Variants in MAP4K5 observed in about 807,000 individuals in gnomAD.
The protein encoded by MAP4K5 is MAPK/ERK kinase kinase kinase 5.
MAP4K5 carries 82 observed loss-of-function variants against 135.6 expected under a neutral mutation model. That is an observed-to-expected ratio of 0.60 (90% CI 0.51 to 0.73). The LOEUF (loss-of-function observed/expected upper bound fraction) is 0.73, where lower values mean the gene tolerates loss of function less well. MAP4K5 is among the 30% of genes least tolerant of loss of function. The pLI, the probability that MAP4K5 is intolerant of heterozygous loss-of-function variation, is 0.00. For synonymous variants in MAP4K5, 347 were observed against 335.0 expected, an observed-to-expected ratio of 1.04 and a Z score of -0.39; for missense variants, 907 against 1,010.9, an observed-to-expected ratio of 0.90 and a Z score of 1.39.
chr14:50,554,845 G>A (rs541064080), intron 1 of MAP4K5, among the ~76,000 whole-genome samples: 1 of 152,184 alleles, frequency 6.6e-6, no homozygotes, highest in East Asian at 1.9e-4. Context: ...TCAGTCTCTT[G>A]GTTCCCTCCC....
chr14:50,421,482 G>A (rs1041091679), intron 32 of MAP4K5, among the ~76,000 whole-genome samples: 1 of 151,636 alleles, frequency 6.6e-6, no homozygotes, highest in Non-Finnish European at 1.5e-5. Flanking sequence ...GGCTGGTTTC[G>A]AACTCCTGGC....
At chr14:50,496,659 C>T (rs551306581) in intron 3 of MAP4K5, among the ~76,000 whole-genome samples, 39 of 151,708 alleles carry the variant, frequency 2.6e-4, no homozygotes, top group Non-Finnish European at 4.6e-4. Context: ...CAGAAGCAGG[C>T]TGCCGTGCTC....
chr14:50,509,663 G>T (rs1295807125), intron 2 of MAP4K5, among the ~76,000 whole-genome samples: 1 of 143,658 alleles, frequency 7.0e-6, no homozygotes, highest in Non-Finnish European at 1.5e-5. Flanking sequence ...TCCATCTAAA[G>T]AACTGGAATT....
chr14:50,429,402 CA>C, intron 28 of MAP4K5, 142 bp from the exon 29 acceptor site: 1 of 562,722 alleles, frequency 1.8e-6, no homozygotes. Context: ...TGTTATCTTT[CA>C]AAAAATGCAT....
upstream of MAP4K5, among the ~76,000 whole-genome samples, chr14:50,535,319 C>T (rs1458037711): frequency 1.3e-5 from 2 of 152,182 alleles, no homozygotes; most frequent in East Asian, 3.8e-4. Flanking sequence ...CTAAGGTTCA[C>T]AATTTATTAT....
At chr14:50,552,436 A>G (rs2038714203) in intron 1 of MAP4K5, among the ~76,000 whole-genome samples, 1 of 152,254 alleles carries the variant, frequency 6.6e-6, no homozygotes, top group Non-Finnish European at 1.5e-5. Context: ...ACATGACCAT[A>G]CTGCCAAAAG....
At chr14:50,496,552 A>G (rs2037597942) in intron 3 of MAP4K5, among the ~76,000 whole-genome samples, 1 of 151,958 alleles carries the variant, frequency 6.6e-6, no homozygotes, top group South Asian at 2.1e-4. Flanking sequence ...TCTGTTGCCC[A>G]TGGTGCAACG....
intron 3 of MAP4K5, among the ~76,000 whole-genome samples, chr14:50,499,567 A>G: frequency 6.6e-6 from 1 of 152,080 alleles, no homozygotes; most frequent in Non-Finnish European, 1.5e-5. Flanking sequence ...CTGAGGCACG[A>G]GAATCACTTG....
intron 14 of MAP4K5, among the ~76,000 whole-genome samples, chr14:50,455,753 A>T (rs1471698769): frequency 2.6e-5 from 4 of 152,074 alleles, no homozygotes; most frequent in Admixed American, 2.6e-4. Context: ...TTACAATTTT[A>T]TTTGATTTTG....
In MAP4K5 at chr14:50,485,597, T is replaced by A; in HGVS notation, c.303A>T (p.Ser101=). 2 of 1,552,472 alleles carry A rather than the reference T, an allele frequency of 1.3e-6. No homozygotes were observed. Among genetic ancestry groups the A allele is most frequent in the East Asian group, 4.8e-5 (2 of 41,692 alleles). The change falls in exon 5 of 33, where the codon TCA becomes TCT. Residue 101 remains serine (S), a synonymous_variant. Transcript: ENST00000682126. ...CAGTACCATGGTAAATATCTTGAAG[T>A]GATCCGCCACCACAGTATTCCATAC... ...WICMEYCGGG[S]LQDIYHVTGP...
At chr14:50,464,374 T>C (rs745923497) in intron 11 of MAP4K5, among the ~76,000 whole-genome samples, 6 of 152,148 alleles carry the variant, frequency 3.9e-5, no homozygotes, top group Non-Finnish European at 8.8e-5. Context: ...CAGAAATAGA[T>C]AGGCTGTGTC....
intron 2 of MAP4K5, among the ~76,000 whole-genome samples, chr14:50,508,997 A>T (rs1483695790): frequency 6.6e-6 from 1 of 152,216 alleles, no homozygotes; most frequent in Non-Finnish European, 1.5e-5. Flanking sequence ...TCCATCAATG[A>T]TAGACTGGAT....
Position 50,444,756 on chromosome 14 carries a change from GT to G in MAP4K5, c.1339+284del, listed in dbSNP as rs2036305086. On this transcript the variant is annotated intron_variant, in intron 18 of 32. Transcript: ENST00000682126. ...TATACCTTCTGCTGTAGACCCTGAAGTTCTGGGGGCAGAAACATGCATTCAC... is the reference window on the plus strand; with the variant it reads ...TATACCTTCTGCTGTAGACCCTGAAGTCTGGGGGCAGAAACATGCATTCAC... Among the ~76,000 whole-genome samples, 3 of 152,134 alleles carry G rather than the reference GT, an allele frequency of 2.0e-5. No homozygotes were observed. The South Asian group carries it at 6.2e-4, about 32-fold the overall frequency.
intron 2 of MAP4K5, among the ~76,000 whole-genome samples, chr14:50,506,045 C>T (rs1414654266): frequency 2.0e-5 from 3 of 152,054 alleles, no homozygotes; most frequent in Admixed American, 6.6e-5. Flanking sequence ...ATGGAATTTA[C>T]TAATTTATGA....
chr14:50,427,304 A>G (rs1255448297), intron 30 of MAP4K5, among the ~76,000 whole-genome samples: 1 of 152,216 alleles, frequency 6.6e-6, no homozygotes, highest in Non-Finnish European at 1.5e-5. Context: ...TGTTAAATCC[A>G]AATTGGCATG....
chr14:50,438,897 T>G (rs1414284262), intron 23 of MAP4K5, among the ~76,000 whole-genome samples: 1 of 152,138 alleles, frequency 6.6e-6, no homozygotes, highest in African/African-American at 2.4e-5. Flanking sequence ...TGTGTAATTT[T>G]TAAGCTTATT....
intron 1 of MAP4K5, among the ~76,000 whole-genome samples, chr14:50,560,878 T>C (rs2038834852): frequency 6.6e-6 from 1 of 152,146 alleles, no homozygotes; most frequent in African/African-American, 2.4e-5. Context: ...GGCCACCCTC[T>C]TGGGAATTCC....
intron 1 of MAP4K5, among the ~76,000 whole-genome samples, chr14:50,558,053 T>G (rs1317252261): frequency 6.6e-6 from 1 of 152,198 alleles, no homozygotes; most frequent in African/African-American, 2.4e-5. Flanking sequence ...TTCCATTAAT[T>G]TATAGAGGGA....
chr14:50,421,384 G>A (rs951359406), intron 32 of MAP4K5, among the ~76,000 whole-genome samples: 35 of 151,658 alleles, frequency 2.3e-4, no homozygotes, highest in Non-Finnish European at 4.1e-4. Context: ...TCAGCCTCCC[G>A]AGTAGCTGGG....
Sources: allele counts gnomAD v4.1 joint callset (sites outside exome capture counted in the v4.1 genomes callset), GRCh38; gene constraint gnomAD v4.1.1; transcripts MANE v1.5; gene names NCBI Gene and HGNC (gene_info 2026-07-23, HGNC 2026-07-21).